Variants in LRRC7 observed in about 807,000 individuals in gnomAD.
LRRC7 encodes leucine rich repeat containing 7, also known as leucine-rich repeat-containing protein 7.
In LRRC7, 23 loss-of-function variants were observed where a neutral mutation model predicts 175.7. The observed-to-expected ratio is 0.13, with a 90% CI of 0.09 to 0.19. The LOEUF is 0.19. Ranked by LOEUF, LRRC7 falls within the 10% of genes least tolerant of loss-of-function variation. LRRC7 has a pLI of 1.00. For missense variants in LRRC7, 1,354 were observed against 1,904.7 expected, an observed-to-expected ratio of 0.71 and a Z score of 5.38; for synonymous variants, 685 against 680.9, an observed-to-expected ratio of 1.01 and a Z score of -0.09.
intron 2 of LRRC7, among the ~76,000 whole-genome samples, chr1:69,719,405 C>G (rs932188937): frequency 6.6e-6 from 1 of 151,552 alleles, no homozygotes; most frequent in Non-Finnish European, 1.5e-5. Flanking sequence ...CCTATATCAT[C>G]TACTTGCAGA....
chr1:69,669,115 A>G (rs1299319091), intron 1 of LRRC7, among the ~76,000 whole-genome samples: 1 of 152,034 alleles, frequency 6.6e-6, no homozygotes, highest in Non-Finnish European at 1.5e-5. Context: ...TATACACCGC[A>G]GTTACAGTGT....
intron 8 of LRRC7, among the ~76,000 whole-genome samples, chr1:69,946,152 A>ATACT (rs1649287220): frequency 6.6e-6 from 1 of 152,094 alleles, no homozygotes; most frequent in Non-Finnish European, 1.5e-5. Flanking sequence ...CATTTTTTCT[A>ATACT]TACTTAATTT....
chr1:69,905,663 G>C (rs1232667713), intron 7 of LRRC7, among the ~76,000 whole-genome samples: 1 of 152,142 alleles, frequency 6.6e-6, no homozygotes, highest in Non-Finnish European at 1.5e-5. Context: ...ATCATTGTTG[G>C]ACATTTGGGT....
At chr1:69,895,958 TTTA>T (rs1645967364) in intron 7 of LRRC7, among the ~76,000 whole-genome samples, 1 of 152,232 alleles carries the variant, frequency 6.6e-6, no homozygotes, top group Non-Finnish European at 1.5e-5. Context: ...AATGTCTTCA[TTTA>T]TATAGGATAC....
At chr1:69,577,369 A>G (rs1317438491) in intron 1 of LRRC7, among the ~76,000 whole-genome samples, 1 of 152,160 alleles carries the variant, frequency 6.6e-6, no homozygotes, top group Non-Finnish European at 1.5e-5. Flanking sequence ...GCTGTGCAGA[A>G]GCTCTTTAGT....
intron 1 of LRRC7, among the ~76,000 whole-genome samples, chr1:69,635,540 A>G (rs1456789968): frequency 6.6e-6 from 1 of 152,142 alleles, no homozygotes; most frequent in African/African-American, 2.4e-5. Context: ...TGTATTTTTG[A>G]CAAAAAAAGA....
Position 69,838,216 on chromosome 1 carries a change from C to A in LRRC7, c.591-11C>A, listed in dbSNP as rs770994640. On this transcript the variant is annotated splice_polypyrimidine_tract_variant and intron_variant, in intron 6 of 26. Transcript: ENST00000651989. ...ATACTAAGAGGAAATTTTTAAAATT[C>A]ATTTCTGTAGACTTGTCAAATTGCG... 1 of 1,602,838 alleles carries A rather than the reference C, an allele frequency of 6.2e-7. No individual in the cohort carries two copies. Among genetic ancestry groups the A allele is most frequent in the Non-Finnish European group, 8.5e-7 (1 of 1,172,260 alleles).
At chr1:69,984,021 G>A (rs376555180) in intron 9 of LRRC7, among the ~76,000 whole-genome samples, 2 of 152,050 alleles carry the variant, frequency 1.3e-5, no homozygotes, top group South Asian at 4.1e-4. Flanking sequence ...TGCCTCCAGG[G>A]TTCAACTGAT....
chr1:69,866,027 A>C (rs960731023), intron 7 of LRRC7, among the ~76,000 whole-genome samples: 4 of 152,182 alleles, frequency 2.6e-5, no homozygotes, highest in Admixed American at 6.5e-5. Flanking sequence ...CCATTGGGCA[A>C]GATGAAACAT....
Position 69,740,721 on chromosome 1 carries a change from G to A in LRRC7, c.101-19470G>A, listed in dbSNP as rs1039285632. ...ATTGGCACAGGTGTGGGCTATATTC[G>A]GTTTACATCTCCACTTGTTACAGTT... On this transcript the variant is annotated intron_variant, in intron 2 of 26. Transcript: ENST00000651989. Among the ~76,000 whole-genome samples the A allele has an allele frequency of 3.3e-5, 5 of 152,118 alleles. No individual in the cohort carries two copies. The East Asian group carries it at 7.8e-4, about 24-fold the overall frequency.
intron 2 of LRRC7, among the ~76,000 whole-genome samples, chr1:69,757,361 A>G (rs1301085858): frequency 1.3e-5 from 2 of 151,884 alleles, no homozygotes; most frequent in Admixed American, 6.6e-5. Flanking sequence ...CTTAGGGGAG[A>G]ACCAAGTTTT....
intron 7 of LRRC7, among the ~76,000 whole-genome samples, chr1:69,872,811 T>C (rs1342172572): frequency 3.9e-5 from 6 of 152,166 alleles, no homozygotes. Flanking sequence ...ATAAAATGTG[T>C]TCTTCTACAG....
intron 1 of LRRC7, among the ~76,000 whole-genome samples, chr1:69,634,798 A>G (rs1338639930): frequency 6.6e-6 from 1 of 152,104 alleles, no homozygotes; most frequent in African/African-American, 2.4e-5. Context: ...AAACTTAAAG[A>G]TGATTACAGA....
intron 3 of LRRC7, among the ~76,000 whole-genome samples, chr1:69,777,419 TC>T: frequency 6.6e-6 from 1 of 152,338 alleles, no homozygotes; most frequent in Middle Eastern, 3.4e-3. Context: ...AGGGGAAAGC[TC>T]CTTGATCTTG....
chr1:69,642,863 G>A (rs768924172), intron 1 of LRRC7, among the ~76,000 whole-genome samples: 8 of 146,210 alleles, frequency 5.5e-5, no homozygotes, highest in Non-Finnish European at 1.2e-4. Context: ...TAGATTATAC[G>A]ATTGATTGGA....
chr1:69,709,480 A>C (rs1664470479), intron 2 of LRRC7, among the ~76,000 whole-genome samples: 1 of 152,220 alleles, frequency 6.6e-6, no homozygotes, highest in Admixed American at 6.5e-5. Context: ...TGTGGTGAAC[A>C]CAGCTTTGTT....
In LRRC7 at chr1:69,751,620, C is replaced by A. The variant is rs546125453; in HGVS notation, c.101-8571C>A. On this transcript the variant is annotated intron_variant, in intron 2 of 26. Coordinates refer to ENST00000651989, the MANE Select transcript of LRRC7 (RefSeq NM_001370785.2). ...AAATATGTCCAAGTTCTGCTTTTGA[C>A]AAGTGGAGTTTTATTTAAATTTGGC... 2.6e-5 allele frequency among the ~76,000 whole-genome samples: 4 copies of A among 152,014 alleles called. No individual in the cohort carries two copies. In the South Asian group the frequency reaches 6.2e-4, roughly 24 times the overall value.
Position 70,076,112 on chromosome 1 carries a change from A to C in LRRC7, c.4266A>C (p.Gln1422His). ...GSHIQTLMGS[Q>H]SLQHRSREQQ... ...ACATCCAGACGTTGATGGGGTCCCA[A>C]AGCCTTCAGCATCGCAGCCGGGAGC... Residue 1422 changes from glutamine (Q) to histidine (H), a missense_variant, in exon 24 of 27, where the codon CAA becomes CAC. Physicochemically the swap from Gln to His is conservative, Grantham distance 24 (BLOSUM62 0). Transcript: ENST00000651989. 1 of 1,613,896 alleles carries C rather than the reference A, an allele frequency of 6.2e-7. No individual in the cohort carries two copies. Among genetic ancestry groups the C allele is most frequent in the Non-Finnish European group, 8.5e-7 (1 of 1,179,962 alleles).
At chr1:70,093,929 T>G (rs555396299) in intron 25 of LRRC7, among the ~76,000 whole-genome samples, 3 of 152,190 alleles carry the variant, frequency 2.0e-5, no homozygotes, top group Non-Finnish European at 4.4e-5. Context: ...GCCATGCTGT[T>G]GTAACATTTT....
Sources: gnomAD v4.1 joint callset for allele counts (sites outside exome capture counted in the v4.1 genomes callset) on GRCh38, gnomAD v4.1.1 for gene constraint, MANE v1.5 for transcripts, NCBI Gene and HGNC (gene_info 2026-07-23, HGNC 2026-07-21) for gene names.